Variants in MMD2 observed in about 807,000 individuals in gnomAD.
The protein encoded by MMD2 is monocyte to macrophage differentiation factor 2.
Under a neutral mutation model 33.5 loss-of-function variants are expected in MMD2, and 30 were observed. The observed-to-expected ratio is 0.90, with a 90% CI of 0.67 to 1.22. The LOEUF is 1.22. Ranked by LOEUF, MMD2 falls within the 50% of genes most tolerant of loss-of-function variation. The pLI is 0.00. For missense variants in MMD2, 364 were observed against 325.4 expected (o/e 1.12, Z -0.91); for synonymous variants, 129 against 123.0 (o/e 1.05, Z -0.32).
At chr7:4,902,227 C>CA (rs1343642494), downstream of MMD2, among the ~76,000 whole-genome samples, 1 of 152,238 alleles carries the variant, frequency 6.6e-6, no homozygotes. Context: ...GCTGGGATTA[C>CA]AGGCGAGAGC....
At chr7:4,919,910 G>A (rs1202823957) in intron 3 of MMD2, among the ~76,000 whole-genome samples, 1 of 152,130 alleles carries the variant, frequency 6.6e-6, no homozygotes, top group East Asian at 1.9e-4. Context: ...AAAACAAAAA[G>A]CAACAACAAA....
At chr7:4,921,320 G>C (rs939604657) in intron 2 of MMD2, among the ~76,000 whole-genome samples, 3 of 151,966 alleles carry the variant, frequency 2.0e-5, no homozygotes, top group Admixed American at 6.6e-5. Flanking sequence ...CTTGTAAACA[G>C]GTTTAAATAG....
the MMD2 span, among the ~76,000 whole-genome samples, chr7:4,895,194 A>G: frequency 6.6e-6 from 1 of 151,380 alleles, no homozygotes; most frequent in African/African-American, 2.4e-5. Flanking sequence ...CTCTTGCCTC[A>G]GCCTCTTGAA....
chr7:4,911,516 T>G (rs1370018707), intron 4 of MMD2, among the ~76,000 whole-genome samples: 2 of 152,234 alleles, frequency 1.3e-5, no homozygotes, highest in Non-Finnish European at 2.9e-5. Context: ...GGTGGGATTA[T>G]GAACAAGTAA....
intron 1 of MMD2, among the ~76,000 whole-genome samples, chr7:4,955,533 G>A (rs1786361204): frequency 6.6e-6 from 1 of 152,162 alleles, no homozygotes; most frequent in Non-Finnish European, 1.5e-5. Flanking sequence ...ATTCAGACGG[G>A]CTGTAAGTAT....
At chr7:4,929,495 A>ATGAT (rs532817241) in intron 1 of MMD2, among the ~76,000 whole-genome samples, 5 of 151,608 alleles carry the variant, frequency 3.3e-5, no homozygotes, top group African/African-American at 1.2e-4. Flanking sequence ...AGACTGGCTT[A>ATGAT]TGTTTGTTTG....
At chr7:4,895,094 T>TTC in the MMD2 span, among the ~76,000 whole-genome samples, 136 of 151,532 alleles carry the variant, frequency 9.0e-4, 2 homozygotes, top group African/African-American at 3.2e-3. Context: ...TTTTTTTTTT[T>TTC]CTGAGACAGA....
At position 4,942,778 on chromosome 7, in the gene MMD2, G is replaced by C. The variant is rs149545760; in HGVS notation, c.47+16193C>G. On this transcript the variant is annotated intron_variant, in intron 1 of 6. Coordinates refer to ENST00000401401, the MANE Select transcript of MMD2 (RefSeq NM_198403.4). Reference sequence around the variant, plus strand: ...CAGACACGTGCCACCACCTCACCCGGCTTTTTTGTTTGTTTTTTAGTAGAG... The same window carrying C: ...CAGACACGTGCCACCACCTCACCCGCCTTTTTTGTTTGTTTTTTAGTAGAG... 4.9e-3 allele frequency among the ~76,000 whole-genome samples: 742 copies of C among 150,884 alleles called. 22 individuals carry two copies. The highest frequency in any genetic ancestry group is 6.4e-3 in the Non-Finnish European group (436 of 67,780).
chr7:4,898,686 G>A, the MMD2 span, among the ~76,000 whole-genome samples: 2 of 152,188 alleles, frequency 1.3e-5, no homozygotes, highest in South Asian at 4.1e-4. Context: ...GATCACTTGA[G>A]GTCAGGAGTT....
chr7:4,920,424 C>T lies in MMD2; in HGVS notation c.130-93G>A. The T allele has an allele frequency of 3.8e-6, 5 of 1,303,532 alleles. No individual in the cohort carries two copies. The South Asian group carries it at 4.1e-5, about 11-fold the overall frequency. The allele number at this position is 1,303,532 out of a possible 1,614,324, so 80.7% of individuals were successfully genotyped here. On this transcript the variant is annotated intron_variant, in intron 2 of 6. Transcript: ENST00000401401. Reference sequence around the variant, plus strand: ...TCCCCGGCTGAGCTGCCCAACGTGGCAGCACTCGGCTCTTGAAATGTGGTC... The same window carrying T: ...TCCCCGGCTGAGCTGCCCAACGTGGTAGCACTCGGCTCTTGAAATGTGGTC...
intron 1 of MMD2, among the ~76,000 whole-genome samples, chr7:4,956,931 C>A (rs753316052): frequency 1.4e-4 from 21 of 151,904 alleles, no homozygotes; most frequent in African/African-American, 5.1e-4. Context: ...TTTGGGAGGC[C>A]GAGGTGAGAG....
downstream of MMD2, among the ~76,000 whole-genome samples, chr7:4,901,532 T>C (rs1287248130): frequency 6.6e-6 from 1 of 152,218 alleles, no homozygotes; most frequent in Non-Finnish European, 1.5e-5. Flanking sequence ...CTCCATTTTA[T>C]AAATCAGGAA....
At chr7:4,908,712 C>T (rs550826090) in intron 6 of MMD2, among the ~76,000 whole-genome samples, 18 of 151,778 alleles carry the variant, frequency 1.2e-4, no homozygotes, top group Admixed American at 3.9e-4. Flanking sequence ...GCCTGGCCAA[C>T]ATAGTGAAAC....
intron 1 of MMD2, among the ~76,000 whole-genome samples, chr7:4,935,855 CTTG>C (rs1396906406): frequency 1.3e-5 from 2 of 151,994 alleles, no homozygotes; most frequent in African/African-American, 4.8e-5. Context: ...TTCTACCATT[CTTG>C]CAACTACCTG....
chr7:4,908,752 C>A (rs765477246), intron 6 of MMD2, among the ~76,000 whole-genome samples: 2 of 151,738 alleles, frequency 1.3e-5, no homozygotes, highest in Non-Finnish European at 2.9e-5. Context: ...CAATAATTAG[C>A]CGAGAGTGGT....
the MMD2 span, among the ~76,000 whole-genome samples, chr7:4,900,710 TC>T: frequency 1.3e-5 from 2 of 151,398 alleles, no homozygotes; most frequent in Non-Finnish European, 2.9e-5. Context: ...TCCAGCAGCA[TC>T]CCCCCCACAA....
At chr7:4,896,926 C>A in the MMD2 span, among the ~76,000 whole-genome samples, 2,584 of 152,096 alleles carry the variant, frequency 0.017, 81 homozygotes, top group African/African-American at 0.059. Flanking sequence ...GTGGCCCAGT[C>A]TCAGCTCACT....
Position 4,932,993 on chromosome 7 carries a change from T to G in MMD2, c.48-7461A>C, listed in dbSNP as rs112420528. ...ACAGTTTTACAGCCTTTTTTTTTTT[T>G]TATGTTTAAAGAGAATCTGTTGTAT... On this transcript the variant is annotated intron_variant, in intron 1 of 6. Transcript: ENST00000401401. Among the ~76,000 whole-genome samples the G allele has an allele frequency of 7.2e-4, 110 of 152,100 alleles. 2 individuals carry two copies. Among genetic ancestry groups the G allele is most frequent in the African/African-American group, 2.5e-3 (102 of 41,428 alleles).
rs1784876301 is a variant in MMD2 at position 4,906,805 on chromosome 7, C to T, written c.*591G>A. The T allele has an allele frequency of 2.8e-6, 1 of 351,906 alleles. No individual in the cohort carries two copies. Among genetic ancestry groups the T allele is most frequent in the African/African-American group, 2.1e-5 (1 of 47,782 alleles). The allele number at this position is 351,906 out of a possible 1,614,324, so 21.8% of individuals were successfully genotyped here. Reference sequence around the variant, plus strand: ...GACAGGAAGGGCAAAGAGGTCCCATCATGAGTGCCAAATTGATTGGTACTG... The same window carrying T: ...GACAGGAAGGGCAAAGAGGTCCCATTATGAGTGCCAAATTGATTGGTACTG... On this transcript the variant is annotated 3_prime_UTR_variant, in exon 7 of 7. Transcript: ENST00000401401.
Sources: gnomAD v4.1 joint callset for allele counts (sites outside exome capture counted in the v4.1 genomes callset) on GRCh38, gnomAD v4.1.1 for gene constraint, MANE v1.5 for transcripts, NCBI Gene and HGNC (gene_info 2026-07-23, HGNC 2026-07-21) for gene names.